Variants in CEACAM18 observed in about 807,000 individuals in gnomAD.
CEACAM18 encodes the protein cell adhesion molecule CEACAM18.
CEACAM18 carries 33 observed loss-of-function variants against 34.3 expected under a neutral mutation model. That is an observed-to-expected ratio of 0.96 (90% CI 0.73 to 1.29). The LOEUF (loss-of-function observed/expected upper bound fraction) is 1.29. Ranked by LOEUF, CEACAM18 falls within the 50% of genes most tolerant of loss-of-function variation. CEACAM18 has a pLI of 0.00. For missense variants in CEACAM18, 474 were observed against 485.0 expected, an observed-to-expected ratio of 0.98 and a Z score of 0.21; for synonymous variants, 169 against 180.9, an observed-to-expected ratio of 0.93 and a Z score of 0.53.
chr19:51,481,653 C>T (rs757459120), exon 3 of CEACAM18: 2 of 1,611,786 alleles, frequency 1.2e-6, no homozygotes, highest in Non-Finnish European at 8.5e-7. Flanking sequence ...ACGCATCTCT[C>T]TGACTGTGGC....
exon 2 of CEACAM18, chr19:51,480,342 T>C: frequency 2.5e-6 from 4 of 1,606,454 alleles, no homozygotes; most frequent in Non-Finnish European, 3.4e-6. Flanking sequence ...GCCAGTCTGC[T>C]GGCCTGTGGG....
At chr19:51,490,773 G>A (rs1353462610) in exon 6 of CEACAM18, 2 of 477,448 alleles carry the variant, frequency 4.2e-6, no homozygotes, top group East Asian at 3.5e-5. Context: ...CGGAAGCCTG[G>A]AGATGGAGGC....
chr19:51,478,787 T>C (rs1401602713), intron 1 of CEACAM18, 93 bp downstream of exon 1: 6 of 888,624 alleles, frequency 6.8e-6, no homozygotes, highest in Non-Finnish European at 9.3e-6. Flanking sequence ...ACCATCCCCA[T>C]CCACGGGCAC....
chr19:51,483,732 C>T (rs1295799494), intron 4 of CEACAM18, among the ~76,000 whole-genome samples: 2 of 152,222 alleles, frequency 1.3e-5, no homozygotes, highest in Non-Finnish European at 2.9e-5. Context: ...CAGGCATAGC[C>T]TACACCCTCA....
chr19:51,486,884 A>AT (rs1372164782), intron 5 of CEACAM18, among the ~76,000 whole-genome samples: 1 of 147,216 alleles, frequency 6.8e-6, no homozygotes, highest in African/African-American at 2.5e-5. Context: ...CACCTGGCTA[A>AT]TTTTTTTGTT....
rs114021326 is a variant in CEACAM18 at position 51,483,785 on chromosome 19, G to T, written c.953+489G>T. Among the ~76,000 whole-genome samples the T allele has an allele frequency of 1.0e-3, 153 of 152,326 alleles. 1 individual carries two copies. Among genetic ancestry groups the T allele is most frequent in the African/African-American group, 3.5e-3 (145 of 41,576 alleles). Reference sequence around the variant, plus strand: ...CTTCAAGATGAGGAATTAGAAAGACGCAGGGACGGGATGGGTGGACGGGGA... The same window carrying T: ...CTTCAAGATGAGGAATTAGAAAGACTCAGGGACGGGATGGGTGGACGGGGA... On this transcript the variant is annotated intron_variant, in intron 4 of 5. Coordinates refer to ENST00000396477, the Ensembl canonical transcript of CEACAM18.
chr19:51,486,710 C>CTTTTTTTTTT (rs1327201659), intron 5 of CEACAM18, among the ~76,000 whole-genome samples: 5 of 144,432 alleles, frequency 3.5e-5, no homozygotes, highest in African/African-American at 7.8e-5. Context: ...TTCTTTCTTT[C>CTTTTTTTTTT]TTTCTTTTCT....
chr19:51,488,423 A>G (rs548028337), intron 5 of CEACAM18, among the ~76,000 whole-genome samples: 1 of 152,374 alleles, frequency 6.6e-6, no homozygotes, highest in South Asian at 2.1e-4. Context: ...ACACATAGCA[A>G]GTAAAGCACA....
chr19:51,486,713 TC>T (rs200356182), intron 5 of CEACAM18, among the ~76,000 whole-genome samples: 3,570 of 146,546 alleles, frequency 0.024, 161 homozygotes, highest in African/African-American at 0.076. Flanking sequence ...TTTCTTTCTT[TC>T]TTTTCTTTCT....
exon 6 of CEACAM18, chr19:51,490,789 T>C (rs761052005): frequency 6.9e-6 from 3 of 437,314 alleles, no homozygotes; most frequent in Non-Finnish European, 7.6e-6. Context: ...GAGGCTCCAG[T>C]AGGAGGTCTG....
At chr19:51,478,800 C>A in intron 1 of CEACAM18, 106 bp downstream of exon 1, 2 of 762,012 alleles carry the variant, frequency 2.6e-6, no homozygotes, top group African/African-American at 1.8e-5. Context: ...ACGGGCACAT[C>A]AAGAAACTCC....
rs187352089 is a variant in CEACAM18, at chr19:51,481,684, T to G, written c.673+19T>G. 2.6e-5 allele frequency: 42 copies of G among 1,602,550 alleles called. No homozygotes were observed. In the East Asian group the frequency reaches 8.9e-4, roughly 34 times the overall value. On this transcript the variant is annotated intron_variant, in intron 3 of 5. Transcript: ENST00000396477. ...GTGGCCTGTGAGTGGTCTGGGCTCC[T>G]GGGACTGAAGCCAGGGCTGGTCTCA... is the stretch of plus-strand genomic sequence containing the variant.
At position 51,484,980 on chromosome 19, in the gene CEACAM18, C is replaced by T; in HGVS notation, c.954-7C>T. 2 of 1,536,122 alleles carry T rather than the reference C, an allele frequency of 1.3e-6. No homozygotes were observed. The highest frequency in any genetic ancestry group is 2.4e-5 in the South Asian group (2 of 84,056). On this transcript the variant is annotated splice_region_variant and splice_polypyrimidine_tract_variant and intron_variant, in intron 4 of 5. Coordinates refer to ENST00000396477, the Ensembl canonical transcript of CEACAM18. ...GGTCCTGACCCCCAGGTGTCCTCTT[C>T]CTTCAGGGATCTTACCTGTTGTCCA... is the stretch of plus-strand genomic sequence containing the variant.
At chr19:51,487,770 G>A (rs990046985) in intron 5 of CEACAM18, among the ~76,000 whole-genome samples, 1 of 152,108 alleles carries the variant, frequency 6.6e-6, no homozygotes, top group Non-Finnish European at 1.5e-5. Context: ...GCGACAGTGC[G>A]AGACTCCATC....
intron 5 of CEACAM18, among the ~76,000 whole-genome samples, chr19:51,489,990 C>T (rs1054149631): frequency 3.3e-5 from 5 of 152,200 alleles, no homozygotes; most frequent in Non-Finnish European, 7.3e-5. Flanking sequence ...GCCACTGTCC[C>T]ATTCCTTTCA....
At chr19:51,487,334 GA>G (rs1793223216) in intron 5 of CEACAM18, among the ~76,000 whole-genome samples, 1 of 152,012 alleles carries the variant, frequency 6.6e-6, no homozygotes, top group Admixed American at 6.5e-5. Flanking sequence ...AGTTAGCCTG[GA>G]GTGGTGGAGT....
chr19:51,481,925 G>A (rs1293602372), intron 3 of CEACAM18, among the ~76,000 whole-genome samples: 1 of 152,170 alleles, frequency 6.6e-6, no homozygotes, highest in Non-Finnish European at 1.5e-5. Flanking sequence ...TGGTCAGTGT[G>A]CCTTTGTTGA....
chr19:51,483,710 T>C (rs190054184), intron 4 of CEACAM18, among the ~76,000 whole-genome samples: 1 of 152,286 alleles, frequency 6.6e-6, no homozygotes, highest in East Asian at 1.9e-4. Flanking sequence ...AGAGGTGGCA[T>C]TCAAGCCCAG....
At chr19:51,485,695 AG>A (rs1989987260) in intron 5 of CEACAM18, among the ~76,000 whole-genome samples, 1 of 152,180 alleles carries the variant, frequency 6.6e-6, no homozygotes, top group Admixed American at 6.5e-5. Flanking sequence ...TTGGAGGAAA[AG>A]GGGACTTGCA....
Sources: gnomAD v4.1 joint callset for allele counts (sites outside exome capture counted in the v4.1 genomes callset) on GRCh38, gnomAD v4.1.1 for gene constraint, MANE v1.5 for transcripts, NCBI Gene and HGNC (gene_info 2026-07-23, HGNC 2026-07-21) for gene names.